The following PTPRD variants were observed in gnomAD, a reference collection of about 807,000 sequenced individuals.
The protein encoded by PTPRD is receptor-type tyrosine-protein phosphatase delta.
PTPRD carries 34 observed loss-of-function variants against 214.5 expected under a neutral mutation model. The observed-to-expected ratio is 0.16, with a 90% CI of 0.12 to 0.21. The LOEUF is 0.21. PTPRD is among the 10% of genes least tolerant of loss of function. The pLI is 1.00. For synonymous variants in PTPRD, 1,128 were observed against 845.7 expected, an observed-to-expected ratio of 1.33 and a Z score of -5.79; for missense variants, 2,545 against 2,398.7, an observed-to-expected ratio of 1.06 and a Z score of -1.27.
At chr9:8,824,769 T>C (rs1003016357) in intron 11 of PTPRD, among the ~76,000 whole-genome samples, 1 of 152,154 alleles carries the variant, frequency 6.6e-6, no homozygotes, top group Non-Finnish European at 1.5e-5. Context: ...CAGTTAGAGA[T>C]CACTGGTTGG....
intron 10 of PTPRD, among the ~76,000 whole-genome samples, chr9:9,032,618 G>GA (rs5896296): frequency 6.6e-6 from 1 of 151,188 alleles, no homozygotes; most frequent in African/African-American, 2.4e-5. Context: ...ATTGGTGCTA[G>GA]AAAAAAAAAA....
chr9:10,209,357 C>G (rs890688497), intron 3 of PTPRD, among the ~76,000 whole-genome samples: 1 of 152,108 alleles, frequency 6.6e-6, no homozygotes, highest in African/African-American at 2.4e-5. Context: ...TTATAAGACA[C>G]TCTGATGACC....
At chr9:10,015,872 G>A (rs993849935) in intron 4 of PTPRD, among the ~76,000 whole-genome samples, 6 of 151,568 alleles carry the variant, frequency 4.0e-5, no homozygotes, top group Admixed American at 1.3e-4. Context: ...TTTCATTTCA[G>A]GATCACATTG....
rs114543237 is a variant in PTPRD at position 8,688,147 on chromosome 9, G to A, written c.64+45633C>T. 7.7e-3 allele frequency among the ~76,000 whole-genome samples: 1,173 copies of A among 152,178 alleles called. 9 individuals carry two copies. The highest frequency in any genetic ancestry group is 0.026 in the African/African-American group (1,093 of 41,504). ...ATTTACAATGCTGAATAAATGTATC[G>A]TTTTCATAAGGGACAGATGTATTTT... On this transcript the variant is annotated intron_variant, in intron 12 of 45. Transcript: ENST00000381196.
intron 10 of PTPRD, among the ~76,000 whole-genome samples, chr9:9,080,576 G>C (rs1445973920): frequency 6.6e-6 from 1 of 152,042 alleles, no homozygotes; most frequent in Non-Finnish European, 1.5e-5. Flanking sequence ...GCTACAGGCA[G>C]TAGAGATAGC....
intron 11 of PTPRD, among the ~76,000 whole-genome samples, chr9:8,744,130 G>A (rs557922152): frequency 3.3e-5 from 5 of 152,018 alleles, no homozygotes; most frequent in African/African-American, 4.8e-5. Flanking sequence ...GGTCATAATC[G>A]AAAAAATATT....
At chr9:9,634,656 A>C (rs1013519547) in intron 7 of PTPRD, among the ~76,000 whole-genome samples, 2 of 152,204 alleles carry the variant, frequency 1.3e-5, no homozygotes, top group Non-Finnish European at 2.9e-5. Flanking sequence ...AGCAGGTTCT[A>C]TCTTGTCAAA....
chr9:9,164,652 C>T (rs1282031437), intron 10 of PTPRD, among the ~76,000 whole-genome samples: 1 of 152,130 alleles, frequency 6.6e-6, no homozygotes, highest in Non-Finnish European at 1.5e-5. Flanking sequence ...TGCCTTACCT[C>T]TGAGAGGTGT....
chr9:8,503,194 T>C (rs2097453607), intron 23 of PTPRD, among the ~76,000 whole-genome samples: 2 of 152,074 alleles, frequency 1.3e-5, no homozygotes, highest in Non-Finnish European at 2.9e-5. Flanking sequence ...TTTTCAAGTT[T>C]CTATAGAAAA....
chr9:8,945,238 T>C (rs1220507048), intron 11 of PTPRD, among the ~76,000 whole-genome samples: 1 of 152,036 alleles, frequency 6.6e-6, no homozygotes, highest in Non-Finnish European at 1.5e-5. Flanking sequence ...ATGATGGAAC[T>C]GGAAGGCATA....
chr9:10,046,463 T>C (rs1479467268), intron 3 of PTPRD, among the ~76,000 whole-genome samples: 1 of 151,880 alleles, frequency 6.6e-6, no homozygotes, highest in African/African-American at 2.4e-5. Context: ...AATCTTTTTT[T>C]ACCTTTAAAA....
chr9:8,926,837 T>C (rs762026531), intron 11 of PTPRD, among the ~76,000 whole-genome samples: 1 of 152,222 alleles, frequency 6.6e-6, no homozygotes, highest in Non-Finnish European at 1.5e-5. Flanking sequence ...ATTCAACTTG[T>C]AAAGACTATT....
At chr9:10,210,711 G>A (rs2099511836) in intron 3 of PTPRD, among the ~76,000 whole-genome samples, 1 of 145,100 alleles carries the variant, frequency 6.9e-6, no homozygotes. Context: ...AATACAAGAA[G>A]TTGTTTGATT....
intron 10 of PTPRD, among the ~76,000 whole-genome samples, chr9:9,025,725 C>G (rs2099584775): frequency 6.6e-6 from 1 of 151,894 alleles, no homozygotes. Context: ...TATTAATAGT[C>G]ACATGATCTT....
chr9:9,928,096 T>C (rs999013150), intron 5 of PTPRD, among the ~76,000 whole-genome samples: 2 of 152,168 alleles, frequency 1.3e-5, no homozygotes, highest in African/African-American at 2.4e-5. Context: ...TTGAAAAGTA[T>C]TGTAGTGCTC....
chr9:9,741,369 C>T (rs1188868446), intron 6 of PTPRD, among the ~76,000 whole-genome samples: 3 of 145,128 alleles, frequency 2.1e-5, no homozygotes, highest in Non-Finnish European at 4.5e-5. Flanking sequence ...ATTTTTTTTA[C>T]AAGGAGTAGT....
chr9:10,221,424 A>AT (rs757452217), intron 3 of PTPRD, among the ~76,000 whole-genome samples: 25 of 152,068 alleles, frequency 1.6e-4, no homozygotes, highest in Non-Finnish European at 2.6e-4. Context: ...TTCCTAAGGG[A>AT]TTTTTTAAGC....
intron 10 of PTPRD, among the ~76,000 whole-genome samples, chr9:9,044,153 T>C (rs1011796979): frequency 6.6e-6 from 1 of 152,194 alleles, no homozygotes; most frequent in Non-Finnish European, 1.5e-5. Flanking sequence ...TGAACTTCCA[T>C]TCTGTTTTTA....
At chr9:9,074,914 A>T (rs1380321354) in intron 10 of PTPRD, among the ~76,000 whole-genome samples, 1 of 151,998 alleles carries the variant, frequency 6.6e-6, no homozygotes, top group Non-Finnish European at 1.5e-5. Context: ...GGCAAAAAAA[A>T]AAAAGTCCTA....
Sources: gnomAD v4.1 joint callset for allele counts (sites outside exome capture counted in the v4.1 genomes callset) on GRCh38, gnomAD v4.1.1 for gene constraint, MANE v1.5 for transcripts, NCBI Gene and HGNC (gene_info 2026-07-23, HGNC 2026-07-21) for gene names.